PRR16: variants seen among roughly 807,000 people sequenced by gnomAD.
PRR16 encodes proline rich 16, also known as protein Largen.
A neutral mutation model predicts 18.2 loss-of-function variants in PRR16; 6 were observed. The observed-to-expected ratio is 0.33, with a 90% CI of 0.18 to 0.65. The LOEUF (loss-of-function observed/expected upper bound fraction) is 0.65. Among genes scored for constraint, PRR16 ranks in the 30% least tolerant of loss-of-function variants. The probability of loss-of-function intolerance (pLI) is 0.74; values close to 1 mark genes in which losing one functional copy is unlikely to be tolerated. For synonymous variants in PRR16, 151 were observed against 147.8 expected, an observed-to-expected ratio of 1.02 and a Z score of -0.16; for missense variants, 412 against 376.6, an observed-to-expected ratio of 1.09 and a Z score of -0.78.
At chr5:120,719,461 G>T in the PRR16 span, among the ~76,000 whole-genome samples, 1 of 152,022 alleles carries the variant, frequency 6.6e-6, no homozygotes, top group African/African-American at 2.4e-5. Flanking sequence ...CACATAAATA[G>T]CAGAAAACAG....
chr5:120,784,679 G>C, the PRR16 span, among the ~76,000 whole-genome samples: 1 of 152,162 alleles, frequency 6.6e-6, no homozygotes, highest in Non-Finnish European at 1.5e-5. Flanking sequence ...TTAAGAGCTA[G>C]ATTAAATATA....
chr5:120,551,424 G>A (rs951170424), intron 1 of PRR16, among the ~76,000 whole-genome samples: 1 of 151,934 alleles, frequency 6.6e-6, no homozygotes, highest in South Asian at 2.1e-4. Flanking sequence ...ACCGTTAGCC[G>A]GTTATATCAT....
intron 1 of PRR16, among the ~76,000 whole-genome samples, chr5:120,665,777 G>A (rs934939772): frequency 2.0e-5 from 3 of 152,058 alleles, no homozygotes; most frequent in Non-Finnish European, 4.4e-5. Flanking sequence ...TAGATATGTG[G>A]CATTATTTCT....
chr5:120,504,445 G>A (rs762934271), intron 1 of PRR16, among the ~76,000 whole-genome samples: 4 of 152,172 alleles, frequency 2.6e-5, no homozygotes, highest in Non-Finnish European at 5.9e-5. Context: ...AAGAAATTGT[G>A]GGGATATATC....
At chr5:120,612,390 G>A (rs556504055) in intron 1 of PRR16, among the ~76,000 whole-genome samples, 7 of 152,246 alleles carry the variant, frequency 4.6e-5, no homozygotes, top group African/African-American at 1.7e-4. Context: ...TGGTTTAGCT[G>A]TGTTCTGCCC....
At chr5:120,513,849 C>T (rs1319616298) in intron 1 of PRR16, among the ~76,000 whole-genome samples, 1 of 151,674 alleles carries the variant, frequency 6.6e-6, no homozygotes, top group African/African-American at 2.4e-5. Flanking sequence ...ACCTCCGCCT[C>T]CTGGGTTCAA....
chr5:120,470,808 G>T (rs963825230), intron 1 of PRR16, among the ~76,000 whole-genome samples: 1 of 152,094 alleles, frequency 6.6e-6, no homozygotes, highest in African/African-American at 2.4e-5. Flanking sequence ...TAAGTCATTT[G>T]CCCAACTCAC....
At position 120,537,931 on chromosome 5, in the gene PRR16, T is replaced by C. The variant is rs546666510; in HGVS notation, c.159+73286T>C. ...AGCTGGGACTACAGGCGCCCGCCAC[T>C]ACGCCCGGCTAATTTTTTGTATTTT... On this transcript the variant is annotated intron_variant, in intron 1 of 1. Transcript: ENST00000407149. Among the ~76,000 whole-genome samples, 32 of 151,260 alleles carry C rather than the reference T, an allele frequency of 2.1e-4. 1 individual carries two copies. The East Asian group carries it at 6.1e-3, about 29-fold the overall frequency.
chr5:120,722,027 C>G, the PRR16 span, among the ~76,000 whole-genome samples: 1 of 151,940 alleles, frequency 6.6e-6, no homozygotes. Context: ...TCCCCTAGCC[C>G]CCTACCTGCC....
chr5:120,631,641 A>T (rs1755057836), intron 1 of PRR16, among the ~76,000 whole-genome samples: 1 of 152,024 alleles, frequency 6.6e-6, no homozygotes, highest in Non-Finnish European at 1.5e-5. Context: ...CATTGGACTG[A>T]GAACTACACT....
intron 1 of PRR16, among the ~76,000 whole-genome samples, chr5:120,638,574 G>C (rs1755321706): frequency 6.6e-6 from 1 of 152,056 alleles, no homozygotes; most frequent in Non-Finnish European, 1.5e-5. Context: ...AGTACTCTGA[G>C]GTAGCTCTTT....
At chr5:120,705,813 A>C in the PRR16 span, among the ~76,000 whole-genome samples, 1 of 152,146 alleles carries the variant, frequency 6.6e-6, no homozygotes, top group African/African-American at 2.4e-5. Flanking sequence ...ATTGTCAGTT[A>C]ATAAACTTGA....
the PRR16 span, among the ~76,000 whole-genome samples, chr5:120,772,265 A>G: frequency 2.0e-5 from 3 of 152,050 alleles, no homozygotes; most frequent in African/African-American, 4.8e-5. Context: ...CTCATCTGAG[A>G]AGCGTTTTTC....
At chr5:120,744,419 G>T in the PRR16 span, among the ~76,000 whole-genome samples, 2 of 152,200 alleles carry the variant, frequency 1.3e-5, no homozygotes, top group East Asian at 1.9e-4. Flanking sequence ...GAAGGAGACA[G>T]ATCTTTAGTT....
intron 1 of PRR16, among the ~76,000 whole-genome samples, chr5:120,639,948 A>G (rs1382648975): frequency 6.6e-6 from 1 of 152,098 alleles, no homozygotes; most frequent in African/African-American, 2.4e-5. Context: ...ACCATGGAAT[A>G]CTATGCAACC....
chr5:120,506,499 G>A (rs184197709), intron 1 of PRR16, among the ~76,000 whole-genome samples: 199 of 152,074 alleles, frequency 1.3e-3, no homozygotes, highest in African/African-American at 4.6e-3. Flanking sequence ...CATGATTAAC[G>A]GTGGCTTAAA....
At chr5:120,679,528 G>T (rs1429053107) in intron 1 of PRR16, among the ~76,000 whole-genome samples, 1 of 152,040 alleles carries the variant, frequency 6.6e-6, no homozygotes, top group Non-Finnish European at 1.5e-5. Flanking sequence ...TTCTCACTTG[G>T]CTGTAATAAA....
At chr5:120,782,274 C>G in the PRR16 span, among the ~76,000 whole-genome samples, 10 of 152,150 alleles carry the variant, frequency 6.6e-5, no homozygotes, top group African/African-American at 1.9e-4. Flanking sequence ...GCACAGGCCC[C>G]TGTGCTCAGT....
At chr5:120,776,138 A>G in the PRR16 span, among the ~76,000 whole-genome samples, 1 of 151,896 alleles carries the variant, frequency 6.6e-6, no homozygotes, top group African/African-American at 2.4e-5. Flanking sequence ...AACTACATTG[A>G]TTTCTCGTCA....
Sources: allele counts gnomAD v4.1 joint callset (sites outside exome capture counted in the v4.1 genomes callset), GRCh38; gene constraint gnomAD v4.1.1; transcripts MANE v1.5; gene names NCBI Gene and HGNC (gene_info 2026-07-23, HGNC 2026-07-21).